The following MRTFA variants were observed in gnomAD, a reference collection of about 807,000 sequenced individuals.
MRTFA encodes myocardin-related transcription factor A.
MRTFA carries 20 observed loss-of-function variants against 83.5 expected under a neutral mutation model. The observed-to-expected ratio is 0.24, with a 90% confidence interval of 0.17 to 0.35. The LOEUF is 0.35. Ranked by LOEUF, MRTFA falls within the 10% of genes least tolerant of loss-of-function variation. The probability of loss-of-function intolerance (pLI) is 1.00; values close to 1 mark genes in which losing one functional copy is unlikely to be tolerated. For synonymous variants in MRTFA, 659 were observed against 541.2 expected (o/e 1.22, Z -3.02); for missense variants, 1,200 against 1,224.7 (o/e 0.98, Z 0.30).
rs1382304992 is a variant in MRTFA at position 40,600,476 on chromosome 22, T to C, written c.-83-5741A>G. Among the ~76,000 whole-genome samples, 4 of 152,226 alleles carry C rather than the reference T, an allele frequency of 2.6e-5. No homozygotes were observed. In the East Asian group the frequency reaches 7.7e-4, roughly 29 times the overall value. On this transcript the variant is annotated intron_variant, in intron 1 of 14. Coordinates refer to ENST00000355630, the MANE Select transcript of MRTFA (RefSeq NM_020831.6). ...TAAGGCAGGGCATGCTGGCCCACAC[T>C]TGTAATCTCAGCACTTTGAGAGGCT... is the stretch of plus-strand genomic sequence containing the variant.
intron 1 of MRTFA, among the ~76,000 whole-genome samples, chr22:40,628,768 A>G (rs1161418594): frequency 7.2e-5 from 11 of 152,206 alleles, no homozygotes; most frequent in Admixed American, 1.3e-4. Flanking sequence ...GCCTGGGCTC[A>G]GCCCCTGGAC....
At chr22:40,541,866 C>T (rs1206706163) in intron 3 of MRTFA, among the ~76,000 whole-genome samples, 2 of 152,160 alleles carry the variant, frequency 1.3e-5, no homozygotes, top group East Asian at 3.8e-4. Flanking sequence ...CAGGGTTTCA[C>T]CATGTTGGCC....
In MRTFA at chr22:40,419,160, C is replaced by T; in HGVS notation, c.1578G>A (p.Leu526=). ...TGGCCACCACCACCTCAGCTGGAGC[C>T]AGGCCTGCTGCCACCAGGGCTGGCC... Residue 526 remains leucine, a synonymous_variant, in exon 12 of 15, where the codon CTG becomes CTA. Transcript: ENST00000355630. The T allele has an allele frequency of 6.3e-7, 1 of 1,584,916 alleles. No individual in the cohort carries two copies. The highest frequency in any genetic ancestry group is 8.6e-7 in the Non-Finnish European group (1 of 1,165,346).
At chr22:40,466,685 C>G (rs1602290895) in intron 3 of MRTFA, among the ~76,000 whole-genome samples, 1 of 152,162 alleles carries the variant, frequency 6.6e-6, no homozygotes. Flanking sequence ...TAAGTCTGAA[C>G]ACTTCAAAGA....
At chr22:40,519,398 C>G in intron 3 of MRTFA, 2 of 1,315,554 alleles carry the variant, frequency 1.5e-6, no homozygotes, top group Non-Finnish European at 2.0e-6. Flanking sequence ...TTCATTTAGT[C>G]AGCTCACTTC....
chr22:40,576,028 C>CTTTT (rs918851256), intron 2 of MRTFA, among the ~76,000 whole-genome samples: 3 of 131,404 alleles, frequency 2.3e-5, no homozygotes, highest in Non-Finnish European at 3.3e-5. Context: ...ATGTAAATTT[C>CTTTT]TTTTTTTTTT....
At chr22:40,569,616 C>G (rs888685570) in intron 2 of MRTFA, among the ~76,000 whole-genome samples, 2 of 152,000 alleles carry the variant, frequency 1.3e-5, no homozygotes, top group Non-Finnish European at 2.9e-5. Context: ...CTCAGCTACT[C>G]AGGAGGCTGA....
intron 4 of MRTFA, 77 bp downstream of exon 4, chr22:40,463,144 C>G: frequency 1.6e-6 from 2 of 1,235,008 alleles, no homozygotes; most frequent in South Asian, 1.2e-5. Context: ...ATGTTAGATG[C>G]TTCCCATGGC....
At chr22:40,599,306 C>CA (rs1380000457) in intron 1 of MRTFA, among the ~76,000 whole-genome samples, 7 of 151,754 alleles carry the variant, frequency 4.6e-5, no homozygotes, top group African/African-American at 7.2e-5. Context: ...CTCAAACAAA[C>CA]AAAAAAAACT....
intron 1 of MRTFA, among the ~76,000 whole-genome samples, chr22:40,630,194 T>C (rs538789647): frequency 2.5e-4 from 38 of 152,170 alleles, no homozygotes; most frequent in African/African-American, 8.7e-4. Flanking sequence ...CACATACCTG[T>C]AATCCCAGCT....
intron 3 of MRTFA, chr22:40,519,461 T>G: frequency 7.5e-7 from 1 of 1,338,110 alleles, no homozygotes; most frequent in Non-Finnish European, 9.9e-7. Flanking sequence ...TAGCGTTACC[T>G]ACCAGTGCTG....
chr22:40,591,276 CAAA>C (rs554015800), intron 2 of MRTFA, among the ~76,000 whole-genome samples: 2 of 83,354 alleles, frequency 2.4e-5, no homozygotes, highest in Non-Finnish European at 5.0e-5. Context: ...GACTCCGTCT[CAAA>C]AAAAAAAAAA....
intron 3 of MRTFA, among the ~76,000 whole-genome samples, chr22:40,468,977 A>C (rs183073331): frequency 2.0e-5 from 3 of 152,216 alleles, no homozygotes; most frequent in Non-Finnish European, 4.4e-5. Context: ...AGTATACTAG[A>C]AAGTAAATTA....
chr22:40,431,704 C>G (rs1443502695), intron 5 of MRTFA, among the ~76,000 whole-genome samples: 1 of 152,180 alleles, frequency 6.6e-6, no homozygotes, highest in Non-Finnish European at 1.5e-5. Flanking sequence ...TCAAGACCAT[C>G]TGTGTCTCTG....
At chr22:40,569,115 G>A (rs1231481192) in intron 2 of MRTFA, among the ~76,000 whole-genome samples, 1 of 152,170 alleles carries the variant, frequency 6.6e-6, no homozygotes, top group Admixed American at 6.5e-5. Flanking sequence ...AATAAGGTGG[G>A]TGCAATGGTA....
intron 3 of MRTFA, among the ~76,000 whole-genome samples, chr22:40,517,073 C>T (rs904106135): frequency 6.6e-6 from 1 of 152,088 alleles, no homozygotes; most frequent in Admixed American, 6.6e-5. Flanking sequence ...TAGGTGTGCA[C>T]TGCCACGCCT....
chr22:40,575,258 G>A (rs762565753), intron 2 of MRTFA, among the ~76,000 whole-genome samples: 1 of 152,058 alleles, frequency 6.6e-6, no homozygotes, highest in Non-Finnish European at 1.5e-5. Flanking sequence ...CAACCAGCTC[G>A]TTCAGCCCCT....
intron 3 of MRTFA, among the ~76,000 whole-genome samples, chr22:40,467,560 C>G (rs908265159): frequency 1.5e-4 from 23 of 151,946 alleles, no homozygotes; most frequent in Middle Eastern, 3.4e-3. Flanking sequence ...ACCACAGAGC[C>G]ATATGTTCTG....
intron 4 of MRTFA, among the ~76,000 whole-genome samples, chr22:40,440,539 G>A (rs1351674652): frequency 6.6e-6 from 1 of 152,226 alleles, no homozygotes; most frequent in East Asian, 1.9e-4. Context: ...GTGAAAGGAG[G>A]AGGGAGCACT....
Sources: gnomAD v4.1 joint callset for allele counts (sites outside exome capture counted in the v4.1 genomes callset) on GRCh38, gnomAD v4.1.1 for gene constraint, MANE v1.5 for transcripts, NCBI Gene and HGNC (gene_info 2026-07-23, HGNC 2026-07-21) for gene names.